Variants in RAD51B observed in about 807,000 individuals in gnomAD.
RAD51B encodes DNA repair protein RAD51 homolog 2.
A neutral mutation model predicts 42.2 loss-of-function variants in RAD51B; 38 were observed. That is an observed-to-expected ratio of 0.90 (90% confidence interval 0.70 to 1.18). The LOEUF (loss-of-function observed/expected upper bound fraction) is 1.18, where lower values mean the gene tolerates loss of function less well. Among genes scored for constraint, RAD51B ranks in the 50% most tolerant of loss-of-function variants. The pLI is 0.00. For synonymous variants in RAD51B, 154 were observed against 145.2 expected (o/e 1.06, Z -0.43); for missense variants, 373 against 400.7 (o/e 0.93, Z 0.59).
downstream of RAD51B, among the ~76,000 whole-genome samples, chr14:68,598,509 G>A (rs556809933): frequency 6.6e-6 from 1 of 152,344 alleles, no homozygotes; most frequent in East Asian, 1.9e-4. Flanking sequence ...GTAGAGAAGG[G>A]AGGAAAGTCC....
intron 7 of RAD51B, among the ~76,000 whole-genome samples, chr14:68,075,908 T>C (rs1029714350): frequency 6.6e-6 from 1 of 152,198 alleles, no homozygotes; most frequent in Non-Finnish European, 1.5e-5. Context: ...GCAGCTGCAA[T>C]GGCAGGGGGG....
intron 8 of RAD51B, among the ~76,000 whole-genome samples, chr14:68,321,695 G>T (rs2082160220): frequency 6.6e-6 from 1 of 152,184 alleles, no homozygotes; most frequent in African/African-American, 2.4e-5. Flanking sequence ...TAATCATTCT[G>T]ACCTCACATT....
At chr14:67,958,812 T>G (rs2074601605) in intron 7 of RAD51B, among the ~76,000 whole-genome samples, 1 of 152,340 alleles carries the variant, frequency 6.6e-6, no homozygotes, top group African/African-American at 2.4e-5. Context: ...ATTATAAAAC[T>G]GGGCATCCAA....
chr14:68,054,321 T>C (rs1018137124), intron 7 of RAD51B, among the ~76,000 whole-genome samples: 2 of 152,204 alleles, frequency 1.3e-5, no homozygotes, highest in African/African-American at 4.8e-5. Context: ...TGTAGGCTTT[T>C]TATTTTATAA....
intron 11 of RAD51B, among the ~76,000 whole-genome samples, chr14:68,673,457 A>G (rs543246410): frequency 1.3e-5 from 2 of 151,846 alleles, no homozygotes; most frequent in Admixed American, 1.3e-4. Context: ...CACATACTGT[A>G]TGCACACATA....
At chr14:68,035,754 C>G (rs2076111274) in intron 7 of RAD51B, among the ~76,000 whole-genome samples, 1 of 152,156 alleles carries the variant, frequency 6.6e-6, no homozygotes, top group African/African-American at 2.4e-5. Context: ...GGCCTGAAGA[C>G]TATTTTTTAA....
intron 7 of RAD51B, among the ~76,000 whole-genome samples, chr14:68,076,491 T>C (rs1300626597): frequency 6.6e-6 from 1 of 152,190 alleles, no homozygotes; most frequent in Non-Finnish European, 1.5e-5. Flanking sequence ...AAGAAACTTA[T>C]TTAAATTTCT....
In RAD51B at chr14:68,255,592, G is replaced by GTA. The variant is rs931287815; in HGVS notation, c.757-36284_757-36283dup. 2.6e-5 allele frequency among the ~76,000 whole-genome samples: 4 copies of GTA among 152,318 alleles called. No homozygotes were observed. The East Asian group carries it at 5.8e-4, about 22-fold the overall frequency. ...TCATTTCTTTGAGATTAGTTCGAAA[G>GTA]TATATATATTCATGGACAAAAGTTA... On this transcript the variant is annotated intron_variant, in intron 7 of 10. Coordinates refer to ENST00000471583, the MANE Select transcript of RAD51B (RefSeq NM_133510.4).
chr14:68,054,783 G>T (rs574280560), intron 7 of RAD51B, among the ~76,000 whole-genome samples: 2 of 152,276 alleles, frequency 1.3e-5, no homozygotes, highest in East Asian at 3.9e-4. Context: ...AACTCTGTCC[G>T]TTGGAAGCAT....
intron 9 of RAD51B, among the ~76,000 whole-genome samples, chr14:68,466,817 G>A (rs998663776): frequency 3.3e-5 from 5 of 152,210 alleles, no homozygotes; most frequent in Admixed American, 3.3e-4. Context: ...AGGGAAGAAG[G>A]GGAATGGCTG....
chr14:68,613,272 G>A (rs1430688534), downstream of RAD51B, among the ~76,000 whole-genome samples: 4 of 151,976 alleles, frequency 2.6e-5, no homozygotes, highest in South Asian at 6.2e-4. Flanking sequence ...AAAACAATTA[G>A]CCAGGCATGG....
intron 10 of RAD51B, among the ~76,000 whole-genome samples, chr14:68,644,801 A>G (rs901346164): frequency 6.6e-6 from 1 of 152,042 alleles, no homozygotes; most frequent in Non-Finnish European, 1.5e-5. Context: ...TACACTCATC[A>G]TAGGGAGTTT....
chr14:68,220,149 T>A (rs1401166942), intron 7 of RAD51B, among the ~76,000 whole-genome samples: 2 of 152,118 alleles, frequency 1.3e-5, no homozygotes, highest in South Asian at 2.1e-4. Context: ...AAAGAATTTT[T>A]AAAACTGAAC....
intron 8 of RAD51B, among the ~76,000 whole-genome samples, chr14:68,327,189 T>A (rs1027169967): frequency 6.6e-6 from 1 of 152,182 alleles, no homozygotes; most frequent in African/African-American, 2.4e-5. Flanking sequence ...AAACTAAAAT[T>A]TTAATAGATT....
intron 11 of RAD51B, among the ~76,000 whole-genome samples, chr14:68,682,721 A>G (rs1436920778): frequency 6.6e-6 from 1 of 151,568 alleles, no homozygotes; most frequent in Non-Finnish European, 1.5e-5. Context: ...AGCTGGACAT[A>G]TGTTAGGAAG....
intron 8 of RAD51B, among the ~76,000 whole-genome samples, chr14:68,354,392 G>T (rs1292827280): frequency 6.6e-6 from 1 of 151,758 alleles, no homozygotes; most frequent in Non-Finnish European, 1.5e-5. Context: ...AATTTTTACT[G>T]TTAGTAGAGA....
chr14:68,354,710 A>T (rs1222458937), intron 8 of RAD51B, among the ~76,000 whole-genome samples: 2 of 151,880 alleles, frequency 1.3e-5, no homozygotes, highest in Admixed American at 6.5e-5. Flanking sequence ...TCTACAAAAG[A>T]TTTATTTTTT....
intron 10 of RAD51B, among the ~76,000 whole-genome samples, chr14:68,554,615 T>G (rs899336364): frequency 3.9e-5 from 6 of 152,322 alleles, no homozygotes; most frequent in African/African-American, 1.4e-4. Flanking sequence ...CTTCTTGTCT[T>G]CCTTTCCTGC....
chr14:68,364,114 C>T (rs1224208457), intron 8 of RAD51B, among the ~76,000 whole-genome samples: 1 of 152,198 alleles, frequency 6.6e-6, no homozygotes, highest in Non-Finnish European at 1.5e-5. Context: ...TCATCCTAAC[C>T]CTCTCTCCTT....
Sources: allele counts gnomAD v4.1 joint callset (sites outside exome capture counted in the v4.1 genomes callset), GRCh38; gene constraint gnomAD v4.1.1; transcripts MANE v1.5; gene names NCBI Gene and HGNC (gene_info 2026-07-23, HGNC 2026-07-21).